The following CAMK1D variants were observed in gnomAD, a reference collection of about 807,000 sequenced individuals.
The protein encoded by CAMK1D is calcium/calmodulin dependent protein kinase ID.
A neutral mutation model predicts 47.7 loss-of-function variants in CAMK1D; 9 were observed. That is an observed-to-expected ratio of 0.19 (90% CI 0.11 to 0.33). CAMK1D has a LOEUF of 0.33. CAMK1D is among the 10% of genes least tolerant of loss of function. The pLI is 1.00. For missense variants in CAMK1D, 291 were observed against 488.7 expected (o/e 0.60, Z 3.81); for synonymous variants, 184 against 184.9 (o/e 0.99, Z 0.04).
chr10:12,811,507 G>A (rs1176853168), intron 6 of CAMK1D, among the ~76,000 whole-genome samples: 1 of 151,960 alleles, frequency 6.6e-6, no homozygotes, highest in Non-Finnish European at 1.5e-5. Context: ...ACTTACTTAG[G>A]CTCCAAGCTC....
chr10:12,362,789 C>A (rs536683478), intron 1 of CAMK1D, among the ~76,000 whole-genome samples: 22 of 152,170 alleles, frequency 1.4e-4, no homozygotes, highest in African/African-American at 4.8e-4. Context: ...GGATTACAGG[C>A]GCCTGCCACC....
At chr10:12,678,883 C>T (rs918984775) in intron 3 of CAMK1D, among the ~76,000 whole-genome samples, 5 of 152,070 alleles carry the variant, frequency 3.3e-5, no homozygotes, top group African/African-American at 1.2e-4. Context: ...CTGCCTCAGA[C>T]TCTCGAGTAG....
intron 2 of CAMK1D, among the ~76,000 whole-genome samples, chr10:12,640,916 A>G (rs1839647580): frequency 1.3e-5 from 2 of 152,166 alleles, no homozygotes. Context: ...ATGAAGAATA[A>G]TTTATCGGTA....
At chr10:12,353,017 G>A (rs564910794) in intron 1 of CAMK1D, among the ~76,000 whole-genome samples, 5 of 152,214 alleles carry the variant, frequency 3.3e-5, no homozygotes, top group East Asian at 3.9e-4. Flanking sequence ...GATTACAGGC[G>A]TGAGCTACTG....
intron 1 of CAMK1D, among the ~76,000 whole-genome samples, chr10:12,387,182 C>T (rs11818108): frequency 6.0e-4 from 88 of 146,994 alleles, no homozygotes; most frequent in African/African-American, 2.0e-3. Context: ...CCAGCCTGGG[C>T]GTCCAAGAGA....
At chr10:12,393,719 C>T (rs1838832147) in intron 1 of CAMK1D, among the ~76,000 whole-genome samples, 1 of 152,220 alleles carries the variant, frequency 6.6e-6, no homozygotes, top group African/African-American at 2.4e-5. Flanking sequence ...TGTGTCCAAA[C>T]TTGAGGCATG....
At chr10:12,581,363 G>T (rs1048418563) in intron 2 of CAMK1D, among the ~76,000 whole-genome samples, 1 of 152,176 alleles carries the variant, frequency 6.6e-6, no homozygotes, top group African/African-American at 2.4e-5. Flanking sequence ...GTGCAAGTAT[G>T]TTTTTTGTAC....
At chr10:12,618,648 T>G (rs74117761) in intron 2 of CAMK1D, among the ~76,000 whole-genome samples, 3,181 of 152,280 alleles carry the variant, frequency 0.021, 119 homozygotes, top group African/African-American at 0.072. Flanking sequence ...TATTTTATTT[T>G]TTACTAAGTA....
At chr10:12,698,968 G>T (rs1229826894) in intron 3 of CAMK1D, among the ~76,000 whole-genome samples, 1 of 152,000 alleles carries the variant, frequency 6.6e-6, no homozygotes, top group Non-Finnish European at 1.5e-5. Flanking sequence ...ACTGCACCCG[G>T]CCTAGAGATT....
chr10:12,826,228 G>A (rs77118373), intron 10 of CAMK1D: 3,538 of 154,002 alleles, frequency 0.023, 134 homozygotes, highest in African/African-American at 0.08. Context: ...TCAAGTCCTC[G>A]CAGCCATGTC....
intron 1 of CAMK1D, among the ~76,000 whole-genome samples, chr10:12,442,716 TTTATATCGAGTG>T (rs1832817922): frequency 2.0e-5 from 3 of 152,168 alleles, no homozygotes; most frequent in Admixed American, 1.3e-4. Context: ...TCTGAAAGGT[TTTATATCGAGTG>T]TTTTTTTCTT....
intron 1 of CAMK1D, among the ~76,000 whole-genome samples, chr10:12,547,529 G>A (rs1836420126): frequency 6.6e-6 from 1 of 152,032 alleles, no homozygotes; most frequent in African/African-American, 2.4e-5. Context: ...TTGTCACTCT[G>A]TCCCTGCTTT....
chr10:12,536,635 G>GA (rs1406533496), intron 1 of CAMK1D, among the ~76,000 whole-genome samples: 1 of 152,216 alleles, frequency 6.6e-6, no homozygotes, highest in Non-Finnish European at 1.5e-5. Flanking sequence ...TTTACTCGAA[G>GA]AGGGGGGTGT....
At chr10:12,788,241 A>C (rs1165961742) in intron 5 of CAMK1D, among the ~76,000 whole-genome samples, 3 of 152,018 alleles carry the variant, frequency 2.0e-5, no homozygotes, top group African/African-American at 7.2e-5. Context: ...CCCAGGATGG[A>C]GTGCAATGGC....
chr10:12,379,834 C>T (rs115761084), intron 1 of CAMK1D, among the ~76,000 whole-genome samples: 4,268 of 152,186 alleles, frequency 0.028, 84 homozygotes, highest in African/African-American at 0.056. Context: ...TGGCCAGATA[C>T]GACTCTACTC....
At chr10:12,758,426 T>G (rs1299073352) in intron 3 of CAMK1D, among the ~76,000 whole-genome samples, 3 of 152,204 alleles carry the variant, frequency 2.0e-5, no homozygotes, top group African/African-American at 7.2e-5. Flanking sequence ...AACTTTCCCC[T>G]TGTGCCTCGG....
intron 3 of CAMK1D, among the ~76,000 whole-genome samples, chr10:12,695,084 A>G (rs12416570): frequency 7.8e-6 from 1 of 128,858 alleles, no homozygotes; most frequent in Non-Finnish European, 1.7e-5. Flanking sequence ...AGATACATAG[A>G]TACATAGATA....
intron 3 of CAMK1D, among the ~76,000 whole-genome samples, chr10:12,750,167 A>G (rs182818969): frequency 6.6e-6 from 1 of 152,266 alleles, no homozygotes; most frequent in East Asian, 1.9e-4. Flanking sequence ...AATTCCCATG[A>G]TTTAATTGTT....
intron 3 of CAMK1D, among the ~76,000 whole-genome samples, chr10:12,679,768 A>G (rs543775540): frequency 6.6e-6 from 1 of 152,162 alleles, no homozygotes; most frequent in Admixed American, 6.5e-5. Context: ...AATCCCTCAT[A>G]ATCCGACCCA....
Sources: allele counts gnomAD v4.1 joint callset (sites outside exome capture counted in the v4.1 genomes callset), GRCh38; gene constraint gnomAD v4.1.1; transcripts MANE v1.5; gene names NCBI Gene and HGNC (gene_info 2026-07-23, HGNC 2026-07-21).